ST18: variants seen among roughly 807,000 people sequenced by gnomAD.
ST18 encodes the protein ST18 C2H2C-type zinc finger transcription factor, also known as suppression of tumorigenicity 18 protein.
In ST18, 50 loss-of-function variants were observed where a neutral mutation model predicts 110.0. The ratio of observed to expected loss-of-function variants is 0.45; its 90% CI spans 0.36 to 0.58. The LOEUF is 0.58. Among genes scored for constraint, ST18 ranks in the 20% least tolerant of loss-of-function variants. ST18 has a pLI of 0.00. For synonymous variants in ST18, 461 were observed against 452.4 expected, an observed-to-expected ratio of 1.02 and a Z score of -0.24; for missense variants, 1,306 against 1,280.1, an observed-to-expected ratio of 1.02 and a Z score of -0.31.
At chr8:52,388,959 G>A (rs1370889780) in intron 2 of ST18, among the ~76,000 whole-genome samples, 4 of 122,736 alleles carry the variant, frequency 3.3e-5, no homozygotes, top group Non-Finnish European at 5.2e-5. Flanking sequence ...AAAACTTAAA[G>A]TATAATAATA....
At chr8:52,334,871 T>G (rs1319411413) in intron 2 of ST18, among the ~76,000 whole-genome samples, 2 of 152,192 alleles carry the variant, frequency 1.3e-5, no homozygotes, top group Non-Finnish European at 2.9e-5. Context: ...CATTCCCGCA[T>G]GCCGACCTGC....
chr8:52,269,482 C>T (rs1203805834), intron 2 of ST18, among the ~76,000 whole-genome samples: 2 of 152,166 alleles, frequency 1.3e-5, no homozygotes, highest in African/African-American at 2.4e-5. Flanking sequence ...TGAGACAATA[C>T]TAGCTGCCTG....
At chr8:52,114,409 T>C (rs928822305) in intron 25 of ST18, among the ~76,000 whole-genome samples, 1 of 152,214 alleles carries the variant, frequency 6.6e-6, no homozygotes, top group Non-Finnish European at 1.5e-5. Flanking sequence ...CAGTCATTTC[T>C]GTTGCCACCA....
chr8:52,384,089 G>T (rs1835609839), intron 2 of ST18, among the ~76,000 whole-genome samples: 1 of 152,132 alleles, frequency 6.6e-6, no homozygotes, highest in Non-Finnish European at 1.5e-5. Flanking sequence ...TTCCATCCTT[G>T]GCATACAGCA....
At chr8:52,131,671 G>T (rs2049640760) in intron 22 of ST18, among the ~76,000 whole-genome samples, 1 of 152,156 alleles carries the variant, frequency 6.6e-6, no homozygotes, top group Non-Finnish European at 1.5e-5. Context: ...TTAAATGACT[G>T]AACCGTTAAG....
chr8:52,168,405 T>C (rs564457443), intron 10 of ST18, among the ~76,000 whole-genome samples: 53 of 151,914 alleles, frequency 3.5e-4, no homozygotes, highest in Non-Finnish European at 6.5e-4. Context: ...CGACAGACAT[T>C]TCCGGGGTGC....
intron 16 of ST18, 90 bp downstream of exon 16, chr8:52,149,642 G>A: frequency 6.7e-7 from 1 of 1,483,126 alleles, no homozygotes; most frequent in Non-Finnish European, 9.1e-7. Context: ...ATCTAAACAG[G>A]AATGTGAAAT....
At chr8:52,142,368 C>T (rs2055484881) in intron 17 of ST18, among the ~76,000 whole-genome samples, 1 of 152,158 alleles carries the variant, frequency 6.6e-6, no homozygotes, top group Middle Eastern at 3.4e-3. Flanking sequence ...TAAGTGGACG[C>T]GTTACTCCTT....
In ST18 at chr8:52,368,090, A is replaced by G. The variant is rs117784863; in HGVS notation, c.-465+41238T>C. On this transcript the variant is annotated intron_variant, in intron 2 of 25. Coordinates refer to ENST00000689386, the MANE Select transcript of ST18 (RefSeq NM_001352837.2). ...AGATACATGATATTTGCTTTCTAAG[A>G]ATATATTGCAGTGGCAATCTCTTGG... is the stretch of plus-strand genomic sequence containing the variant. 7.7e-3 allele frequency among the ~76,000 whole-genome samples: 1,178 copies of G among 152,226 alleles called. 9 individuals are homozygous for G. The highest frequency in any genetic ancestry group is 0.013 in the Non-Finnish European group (900 of 68,010).
At chr8:52,157,193 A>G (rs1456886071) in intron 15 of ST18, among the ~76,000 whole-genome samples, 1 of 152,210 alleles carries the variant, frequency 6.6e-6, no homozygotes, top group Non-Finnish European at 1.5e-5. Flanking sequence ...CATATTGATA[A>G]GGGGAAAAGC....
intron 23 of ST18, among the ~76,000 whole-genome samples, chr8:52,121,256 A>G (rs2044682868): frequency 6.6e-6 from 1 of 152,194 alleles, no homozygotes; most frequent in African/African-American, 2.4e-5. Flanking sequence ...TTGTGAGGGA[A>G]GATCATAAGA....
At chr8:52,115,754 T>C (rs992875635) in intron 25 of ST18, among the ~76,000 whole-genome samples, 5 of 152,196 alleles carry the variant, frequency 3.3e-5, no homozygotes, top group Non-Finnish European at 7.3e-5. Context: ...CTAAAATACA[T>C]GCTTAGATTT....
chr8:52,364,177 G>T (rs1367955728), intron 2 of ST18, among the ~76,000 whole-genome samples: 1 of 152,098 alleles, frequency 6.6e-6, no homozygotes, highest in Non-Finnish European at 1.5e-5. Context: ...TTGAAAATTG[G>T]ATAATGACTC....
rs1367791061 is a variant in ST18 at position 52,161,510 on chromosome 8, T to C, written c.1459A>G (p.Arg487Gly). 2 of 1,614,228 alleles carry C rather than the reference T, an allele frequency of 1.2e-6. No homozygotes were observed. The highest frequency in any genetic ancestry group is 1.7e-6 in the Non-Finnish European group (2 of 1,180,030). ...TCTTGTTCTTTTGACACTGTGGCTC[T>C]GGGAGAGGTGATGGCTTGTGACGGG... The part of the protein sequence containing the change: ...NFPSQAITSP[R>G]ATVSKEQEKF... The change falls in exon 14 of 26, where the codon AGA (arginine) becomes GGA (glycine). Residue 487 changes from arginine (R) to glycine (G), a missense_variant. Physicochemically the swap from Arg to Gly is moderately radical, Grantham distance 125. Transcript: ENST00000689386.
chr8:52,247,792 G>A (rs933618342), intron 2 of ST18, among the ~76,000 whole-genome samples: 19 of 152,072 alleles, frequency 1.2e-4, no homozygotes, highest in Admixed American at 4.6e-4. Context: ...CACATGAAAG[G>A]CATAATGATG....
chr8:52,309,520 CAAAAAAAAAAAAAA>C (rs756214451), intron 2 of ST18, among the ~76,000 whole-genome samples: 5 of 37,762 alleles, frequency 1.3e-4, no homozygotes, highest in South Asian at 1.6e-3. Flanking sequence ...GACTCCATCT[CAAAAAAAAAAAAAA>C]AAAAAAAAAA....
intron 2 of ST18, among the ~76,000 whole-genome samples, chr8:52,234,539 C>A (rs533216576): frequency 5.3e-4 from 81 of 152,122 alleles, no homozygotes; most frequent in African/African-American, 1.8e-3. Flanking sequence ...CTGGCATGAC[C>A]CACCACGCCC....
chr8:52,344,319 A>G (rs1816646798), intron 2 of ST18, among the ~76,000 whole-genome samples: 1 of 152,180 alleles, frequency 6.6e-6, no homozygotes, highest in African/African-American at 2.4e-5. Context: ...GAAAAATGTT[A>G]GAATAGTTTA....
At chr8:52,355,821 C>T (rs1006341168) in intron 2 of ST18, among the ~76,000 whole-genome samples, 1 of 152,168 alleles carries the variant, frequency 6.6e-6, no homozygotes, top group Non-Finnish European at 1.5e-5. Flanking sequence ...CTGTGGTTGT[C>T]TATTTTGATC....
Sources: gnomAD v4.1 joint callset for allele counts (sites outside exome capture counted in the v4.1 genomes callset) on GRCh38, gnomAD v4.1.1 for gene constraint, MANE v1.5 for transcripts, NCBI Gene and HGNC (gene_info 2026-07-23, HGNC 2026-07-21) for gene names.